TBL1X: variants seen among roughly 807,000 people sequenced by gnomAD.
TBL1X encodes the protein transducin beta like 1 X-linked.
Under a neutral mutation model 50.7 loss-of-function variants are expected in TBL1X, and 10 were observed. The ratio of observed to expected loss-of-function variants is 0.20; its 90% CI spans 0.12 to 0.33. The LOEUF is 0.33. Ranked by LOEUF, TBL1X falls within the 10% of genes least tolerant of loss-of-function variation. The pLI is 1.00. For missense variants in TBL1X, 340 were observed against 504.4 expected (o/e 0.67, Z 3.12); for synonymous variants, 190 against 214.7 (o/e 0.88, Z 1.01).
At chrX:9,574,814 C>T (rs2082402947) in intron 2 of TBL1X, among the ~76,000 whole-genome samples, 1 of 111,823 alleles carries the variant, frequency 8.9e-6, no homozygotes, top group African/African-American at 3.3e-5. Flanking sequence ...ACTGTGTACC[C>T]AGCACCATGG....
At chrX:9,640,214 G>C (rs2082768247) in intron 2 of TBL1X, 59 bp from the exon 3 acceptor site, 2 of 112,268 alleles carry the variant, frequency 1.8e-5, no homozygotes, top group African/African-American at 6.5e-5. Flanking sequence ...TGGTTGAGAG[G>C]TAAACACACC....
chrX:9,491,338 A>ATATATATATATATATATATATAT (rs1328551249), intron 1 of TBL1X, among the ~76,000 whole-genome samples: 2 of 31,316 alleles, frequency 6.4e-5, no homozygotes, highest in South Asian at 1.6e-3. Flanking sequence ...ATATATATAT[A>ATATATATATATATATATATATAT]TTTTTTTTTT....
At chrX:9,487,901 A>G (rs765454283) in intron 1 of TBL1X, among the ~76,000 whole-genome samples, 5 of 111,349 alleles carry the variant, frequency 4.5e-5, no homozygotes, top group Non-Finnish European at 7.5e-5. Flanking sequence ...TCCAAGCAGC[A>G]AGACTTAGGC....
At chrX:9,510,288 A>G (rs1178054943) in intron 2 of TBL1X, among the ~76,000 whole-genome samples, 1 of 111,660 alleles carries the variant, frequency 9.0e-6, no homozygotes, top group African/African-American at 3.3e-5. Flanking sequence ...ACTGGAGTGG[A>G]GAAATTGTAT....
intron 1 of TBL1X, among the ~76,000 whole-genome samples, chrX:9,481,070 T>A (rs944590407): frequency 8.9e-6 from 1 of 111,831 alleles, no homozygotes; most frequent in Admixed American, 9.6e-5. Context: ...CTGAAACTTT[T>A]GTCATCCACA....
intron 13 of TBL1X, among the ~76,000 whole-genome samples, chrX:9,708,407 G>T: frequency 8.9e-6 from 1 of 112,385 alleles, no homozygotes; most frequent in African/African-American, 3.2e-5. Context: ...TTGCACATGT[G>T]TGCCTGCCTG....
At chrX:9,656,694 G>C (rs947294417) in intron 5 of TBL1X, among the ~76,000 whole-genome samples, 1 of 112,809 alleles carries the variant, frequency 8.9e-6, no homozygotes, top group African/African-American at 3.2e-5. Flanking sequence ...ATATTGAAGA[G>C]AGAGACTATT....
intron 2 of TBL1X, among the ~76,000 whole-genome samples, chrX:9,635,957 A>G (rs1453011286): frequency 8.9e-6 from 1 of 112,552 alleles, no homozygotes; most frequent in Admixed American, 9.4e-5. Flanking sequence ...TCAGCCACGC[A>G]GTAGCATAGT....
chrX:9,646,357 C>T (rs1248371126), intron 3 of TBL1X, among the ~76,000 whole-genome samples: 1 of 112,194 alleles, frequency 8.9e-6, no homozygotes, highest in Non-Finnish European at 1.9e-5. Flanking sequence ...TAAGCTGCTC[C>T]CCAGGCAGAT....
At chrX:9,666,152 G>C (rs969756067) in intron 5 of TBL1X, among the ~76,000 whole-genome samples, 2 of 111,774 alleles carry the variant, frequency 1.8e-5, no homozygotes, top group Non-Finnish European at 3.8e-5. Context: ...GATCCAAGAT[G>C]TCATATAAAA....
Position 9,713,046 on chromosome X carries a change from A to T in TBL1X, c.1605+1270A>T, listed in dbSNP as rs776798880. Reference sequence around the variant, plus strand: ...CAGGTGGATTTATACCCTCAAGTTCATTCCCCCTGTGGACTCAATGGTGAT... The same window carrying T: ...CAGGTGGATTTATACCCTCAAGTTCTTTCCCCCTGTGGACTCAATGGTGAT... On this transcript the variant is annotated intron_variant, in intron 16 of 17. Coordinates refer to ENST00000645353, the MANE Select transcript of TBL1X (RefSeq NM_005647.4). 4.5e-5 allele frequency among the ~76,000 whole-genome samples: 5 copies of T among 111,096 alleles called. 1 individual carries two copies. In the South Asian group the frequency reaches 1.9e-3, roughly 43 times the overall value.
intron 2 of TBL1X, among the ~76,000 whole-genome samples, chrX:9,533,300 G>A (rs147655969): frequency 4.5e-4 from 50 of 111,145 alleles, no homozygotes; most frequent in African/African-American, 1.6e-3. Context: ...CTTGCTTTCC[G>A]CACCCTTCGG....
At chrX:9,480,105 C>T (rs1273294318) in intron 1 of TBL1X, among the ~76,000 whole-genome samples, 2 of 111,143 alleles carry the variant, frequency 1.8e-5, no homozygotes, top group African/African-American at 6.6e-5. Flanking sequence ...AGGACATGCG[C>T]CACCACCTCC....
chrX:9,716,214 T>C lies in TBL1X; in HGVS notation c.1708-6T>C. The stretch of plus-strand genomic sequence containing the variant: ...AAGATGACAGGTGCTTTATCTTTCC[T>C]TCCAGGTGTGTGTTTTGGATCTGCG... On this transcript the variant is annotated splice_region_variant and splice_polypyrimidine_tract_variant and intron_variant, in intron 17 of 17. Transcript: ENST00000645353. 8.3e-7 allele frequency: 1 copy of C among 1,210,936 alleles called. No homozygotes were observed. The highest frequency in any genetic ancestry group is 1.1e-6 in the Non-Finnish European group (1 of 894,752).
chrX:9,520,435 A>G (rs1338241108), intron 2 of TBL1X, among the ~76,000 whole-genome samples: 2 of 111,267 alleles, frequency 1.8e-5, no homozygotes, highest in Non-Finnish European at 1.9e-5. Flanking sequence ...CTGGGGCTAG[A>G]GACCAGGGAG....
intron 2 of TBL1X, among the ~76,000 whole-genome samples, chrX:9,561,396 C>A (rs1439472832): frequency 9.0e-6 from 1 of 111,084 alleles, no homozygotes; most frequent in Non-Finnish European, 1.9e-5. Context: ...GAACTGTTAA[C>A]CACCACCCAA....
intron 2 of TBL1X, among the ~76,000 whole-genome samples, chrX:9,638,171 A>T (rs188003597): frequency 9.0e-6 from 1 of 111,657 alleles, no homozygotes; most frequent in African/African-American, 3.3e-5. Flanking sequence ...GTCACTATAC[A>T]TGCATGGCAC....
chrX:9,541,131 A>G (rs775501310), intron 2 of TBL1X, among the ~76,000 whole-genome samples: 2 of 112,114 alleles, frequency 1.8e-5, no homozygotes, highest in Non-Finnish European at 3.8e-5. Context: ...GCAGAATTTA[A>G]CTATAATTAA....
At chrX:9,526,692 A>G (rs2082134338) in intron 2 of TBL1X, among the ~76,000 whole-genome samples, 1 of 112,539 alleles carries the variant, frequency 8.9e-6, no homozygotes, top group Non-Finnish European at 1.9e-5. Flanking sequence ...GCAGCCCTGC[A>G]CATTGCATAA....
Sources: allele counts gnomAD v4.1 joint callset (sites outside exome capture counted in the v4.1 genomes callset), GRCh38; gene constraint gnomAD v4.1.1; transcripts MANE v1.5; gene names NCBI Gene and HGNC (gene_info 2026-07-23, HGNC 2026-07-21).